The following MSH4 variants were observed in gnomAD, a reference collection of about 807,000 sequenced individuals.
The protein encoded by MSH4 is mutS protein homolog 4.
In MSH4, 106 loss-of-function variants were observed where a neutral mutation model predicts 113.7. The ratio of observed to expected loss-of-function variants is 0.93; its 90% confidence interval spans 0.80 to 1.10. The LOEUF is 1.10. MSH4 is among the 50% of genes least tolerant of loss of function. The probability of loss-of-function intolerance (pLI) is 0.00; values close to 1 mark genes in which losing one functional copy is unlikely to be tolerated. For missense variants in MSH4, 1,061 were observed against 1,093.7 expected, an observed-to-expected ratio of 0.97 and a Z score of 0.42; for synonymous variants, 368 against 380.2, an observed-to-expected ratio of 0.97 and a Z score of 0.37.
chr1:75,886,510 A>G (rs1206696364), intron 15 of MSH4, among the ~76,000 whole-genome samples: 1 of 116,638 alleles, frequency 8.6e-6, no homozygotes, highest in Non-Finnish European at 1.7e-5. Context: ...TGTATTATAT[A>G]TAATATATAT....
intron 5 of MSH4, among the ~76,000 whole-genome samples, chr1:75,815,612 G>A (rs1413926521): frequency 1.3e-5 from 2 of 152,100 alleles, no homozygotes; most frequent in African/African-American, 2.4e-5. Context: ...TAGAACATAC[G>A]AAATAGATAC....
chr1:75,827,162 A>G (rs1330925857), intron 7 of MSH4, among the ~76,000 whole-genome samples: 1 of 152,194 alleles, frequency 6.6e-6, no homozygotes, highest in Non-Finnish European at 1.5e-5. Context: ...CCTACAAGCA[A>G]GAAGAGAGTG....
At chr1:75,890,396 C>G (rs1423608502) in intron 16 of MSH4, among the ~76,000 whole-genome samples, 1 of 151,844 alleles carries the variant, frequency 6.6e-6, no homozygotes, top group Non-Finnish European at 1.5e-5. Flanking sequence ...TTAGTTTAAA[C>G]ATTTAATTTA....
At chr1:75,876,868 G>C (rs1016295359) in intron 9 of MSH4, 68 bp from the exon 10 acceptor site, 3 of 878,582 alleles carry the variant, frequency 3.4e-6, no homozygotes, top group Admixed American at 2.8e-5. Context: ...TTAAACAACT[G>C]TAAAATGATA....
chr1:75,881,376 T>C lies in MSH4; in HGVS notation c.1906+6T>C. On this transcript the variant is annotated splice_donor_region_variant and intron_variant, in intron 14 of 19. Coordinates refer to ENST00000263187, the MANE Select transcript of MSH4 (RefSeq NM_002440.4). ...CTGCACTCTTTCTGACTATGGTAAGTTGCTTTCTTTGGAATAAACATATTG... is the reference window on the plus strand; with the variant it reads ...CTGCACTCTTTCTGACTATGGTAAGCTGCTTTCTTTGGAATAAACATATTG... 6.2e-7 allele frequency: 1 copy of C among 1,609,974 alleles called. No individual in the cohort carries two copies.
At chr1:75,806,327 A>G (rs1179646399) in intron 2 of MSH4, among the ~76,000 whole-genome samples, 1 of 130,380 alleles carries the variant, frequency 7.7e-6, no homozygotes, top group East Asian at 2.3e-4. Context: ...GGCTCACTGC[A>G]AGCTCCGCCT....
intron 9 of MSH4, among the ~76,000 whole-genome samples, chr1:75,875,376 T>G (rs1651797626): frequency 6.6e-6 from 1 of 152,210 alleles, no homozygotes; most frequent in Non-Finnish European, 1.5e-5. Flanking sequence ...TTATTGAAGA[T>G]CTACAGTTTT....
intron 7 of MSH4, among the ~76,000 whole-genome samples, chr1:75,842,767 A>C (rs1027671916): frequency 6.8e-6 from 1 of 146,478 alleles, no homozygotes; most frequent in Non-Finnish European, 1.5e-5. Context: ...TAGCGGTAGC[A>C]TAAGTGTCAA....
chr1:75,828,462 G>T (rs1650604770), intron 7 of MSH4, among the ~76,000 whole-genome samples: 1 of 152,148 alleles, frequency 6.6e-6, no homozygotes, highest in Non-Finnish European at 1.5e-5. Flanking sequence ...ATACACCTTG[G>T]AATACTATGC....
At chr1:75,829,759 G>A (rs534589619) in intron 7 of MSH4, among the ~76,000 whole-genome samples, 10 of 152,086 alleles carry the variant, frequency 6.6e-5, no homozygotes, top group African/African-American at 2.4e-4. Context: ...AAACAGAAAG[G>A]ACATCCACAC....
Position 75,797,208 on chromosome 1 carries a change from C to A in MSH4, c.223C>A (p.Pro75Thr), listed in dbSNP as rs377057828. 58 of 1,605,634 alleles carry A rather than the reference C, an allele frequency of 3.6e-5. No homozygotes were observed. The highest frequency in any genetic ancestry group is 4.3e-5 in the Non-Finnish European group (51 of 1,176,384). Residue 75 changes from proline (P) to threonine (T), a missense_variant, in exon 1 of 20, where the codon CCA becomes ACA. By Grantham distance (38) the Pro-to-Thr change is conservative. Transcript: ENST00000263187. ...SSSSSLPCPA[P>T]NSRPAQGSYF... Reference sequence around the variant, plus strand: ...CAGCAGCAGCCTTCCCTGCCCCGCGCCAAACTCCCGGCCAGCTCAAGGCAA... The same window carrying A: ...CAGCAGCAGCCTTCCCTGCCCCGCGACAAACTCCCGGCCAGCTCAAGGCAA...
At chr1:75,831,001 G>C (rs990197331) in intron 7 of MSH4, among the ~76,000 whole-genome samples, 2 of 152,102 alleles carry the variant, frequency 1.3e-5, no homozygotes, top group Admixed American at 1.3e-4. Flanking sequence ...TGGCAAGTTG[G>C]ATAAAGAGTC....
chr1:75,866,621 T>C (rs974282841), intron 8 of MSH4, among the ~76,000 whole-genome samples: 1 of 152,170 alleles, frequency 6.6e-6, no homozygotes, highest in Non-Finnish European at 1.5e-5. Context: ...TTTTTCTAAA[T>C]TGATGCATAT....
At chr1:75,837,386 CTTTTT>C (rs34812368) in intron 7 of MSH4, among the ~76,000 whole-genome samples, 1,848 of 106,618 alleles carry the variant, frequency 0.017, 48 homozygotes, top group African/African-American at 0.06. Context: ...AAATTGTGCC[CTTTTT>C]TTTTTTTTTT....
rs775299788 is a variant in MSH4, at chr1:75,881,363, T to C, written c.1899T>C (p.Ser633=). Residue 633 remains serine, a synonymous_variant, in exon 14 of 20, where the codon TCT becomes TCC. Coordinates refer to ENST00000263187, the MANE Select transcript of MSH4 (RefSeq NM_002440.4). ...LLSFAHACTL[S]DYVRPEFTDT... is the part of the protein sequence containing the mutation. Reference sequence around the variant, plus strand: ...CATTTGCTCATGCCTGCACTCTTTCTGACTATGGTAAGTTGCTTTCTTTGG... The same window carrying C: ...CATTTGCTCATGCCTGCACTCTTTCCGACTATGGTAAGTTGCTTTCTTTGG... The C allele has an allele frequency of 5.0e-6, 8 of 1,611,246 alleles. No individual in the cohort carries two copies. Among genetic ancestry groups the C allele is most frequent in the Non-Finnish European group, 6.8e-6 (8 of 1,178,942 alleles).
chr1:75,826,072 C>T (rs548500142), intron 7 of MSH4, among the ~76,000 whole-genome samples: 11 of 151,500 alleles, frequency 7.3e-5, no homozygotes, highest in South Asian at 2.1e-4. Context: ...TGGTAGAATT[C>T]GGCTGTGAAT....
At chr1:75,839,632 C>G (rs1197526116) in intron 7 of MSH4, among the ~76,000 whole-genome samples, 1 of 151,828 alleles carries the variant, frequency 6.6e-6, no homozygotes, top group African/African-American at 2.4e-5. Context: ...TCTAAAACAC[C>G]AAAAGCAATG....
Position 75,796,920 on chromosome 1 carries a change from T to C in MSH4, c.-66T>C. ...GCCCGTTTCAGCGGCGCAGCTTCTG[T>C]AGTTGGGCTACTGGAGGGGTCGCTC... On this transcript the variant is annotated 5_prime_UTR_variant, in exon 1 of 20. Coordinates refer to ENST00000263187, the MANE Select transcript of MSH4 (RefSeq NM_002440.4). The C allele has an allele frequency of 6.3e-7, 1 of 1,597,636 alleles. No individual in the cohort carries two copies. The highest frequency in any genetic ancestry group is 8.5e-7 in the Non-Finnish European group (1 of 1,170,514).
intron 7 of MSH4, among the ~76,000 whole-genome samples, chr1:75,839,227 T>C (rs2100538105): frequency 1.3e-5 from 2 of 152,282 alleles, no homozygotes; most frequent in Middle Eastern, 3.4e-3. Context: ...TTCTTTTCTT[T>C]TTTTTGAGAC....
Sources: gnomAD v4.1 joint callset for allele counts (sites outside exome capture counted in the v4.1 genomes callset) on GRCh38, gnomAD v4.1.1 for gene constraint, MANE v1.5 for transcripts, NCBI Gene and HGNC (gene_info 2026-07-23, HGNC 2026-07-21) for gene names.